PRLR: variants seen among roughly 807,000 people sequenced by gnomAD.
PRLR encodes prolactin receptor.
A neutral mutation model predicts 40.2 loss-of-function variants in PRLR; 13 were observed. The ratio of observed to expected loss-of-function variants is 0.32; its 90% confidence interval spans 0.21 to 0.51. The LOEUF is 0.51. PRLR is among the 20% of genes least tolerant of loss of function. The pLI is 0.97. For missense variants in PRLR, 656 were observed against 747.3 expected (o/e 0.88, Z 1.42); for synonymous variants, 269 against 278.7 (o/e 0.97, Z 0.35).
intron 1 of PRLR, chr5:35,130,227 T>A (rs924183410): frequency 7.0e-4 from 106 of 152,380 alleles, no homozygotes; most frequent in African/African-American, 2.5e-3. Flanking sequence ...ACTAACTTGC[T>A]TTTGATGGTG....
At chr5:35,213,099 T>C (rs2111647451) in intron 1 of PRLR, among the ~76,000 whole-genome samples, 1 of 152,316 alleles carries the variant, frequency 6.6e-6, no homozygotes, top group South Asian at 2.1e-4. Flanking sequence ...CCTATCACAT[T>C]GTACAATAAT....
At chr5:35,200,819 T>A (rs933773742) in intron 1 of PRLR, among the ~76,000 whole-genome samples, 3 of 152,130 alleles carry the variant, frequency 2.0e-5, no homozygotes, top group African/African-American at 7.2e-5. Context: ...TTTATAAATA[T>A]CCAACAGTTT....
chr5:35,180,887 C>T (rs1040920554), intron 1 of PRLR, among the ~76,000 whole-genome samples: 1 of 152,106 alleles, frequency 6.6e-6, no homozygotes, highest in African/African-American at 2.4e-5. Flanking sequence ...CTTCATCCAC[C>T]TCTTTTTTTA....
In PRLR at chr5:35,196,035, TAAATAAAATAAAATAAAATAAAATA is replaced by T. The variant is rs59078228; in HGVS notation, c.-106+34208_-106+34232del. Among the ~76,000 whole-genome samples the T allele has an allele frequency of 2.6e-3, 392 of 149,254 alleles. 4 individuals carry two copies. The highest frequency in any genetic ancestry group is 9.6e-3 in the East Asian group (45 of 4,696). ...ACTCTTATGAAATATCGGCTCTCCC[TAAATAAAATAAAATAAAATAAAATA>T]AAATAAAATAAAATAAAATAAAATA... is the stretch of plus-strand genomic sequence containing the variant. On this transcript the variant is annotated intron_variant, in intron 1 of 9. Coordinates refer to ENST00000618457, the MANE Select transcript of PRLR (RefSeq NM_000949.7).
intron 1 of PRLR, among the ~76,000 whole-genome samples, chr5:35,227,601 T>C (rs984097221): frequency 6.6e-6 from 1 of 152,244 alleles, no homozygotes; most frequent in Non-Finnish European, 1.5e-5. Flanking sequence ...CACCAAAGTA[T>C]ACTGATAGAT....
rs577497908 is a variant in PRLR, at chr5:35,118,050, G to A, written c.-44+11C>T. The A allele has an allele frequency of 1.0e-5, 10 of 984,008 alleles. No individual in the cohort carries two copies. In the South Asian group the frequency reaches 3.3e-4, roughly 32 times the overall value. 61.0% of individuals were successfully genotyped at this position (984,008 alleles called of 1,614,324 possible). A position where few individuals can be genotyped will look rare whatever the true frequency, so the allele number is the denominator to read the frequency against. On this transcript the variant is annotated intron_variant, in intron 2 of 9. Transcript: ENST00000618457. ...GTGTGACCGAGGGGCATGAGAACAA[G>A]TCCCCCTTACCTTCAGGGTTCATGT... is the stretch of plus-strand genomic sequence containing the variant.
chr5:35,196,978 G>A lies in PRLR; in HGVS notation c.-106+33290C>T, dbSNP rs115913859. On this transcript the variant is annotated intron_variant, in intron 1 of 9. Transcript: ENST00000618457. ...AGAGCTCTCTGGGACCCTTTTGTAA[G>A]CGCACTAATCTCATTCATGAAGCCT... 6.0e-3 allele frequency among the ~76,000 whole-genome samples: 911 copies of A among 152,192 alleles called. 8 individuals are homozygous for A. Among genetic ancestry groups the A allele is most frequent in the Middle Eastern group, 0.037 (11 of 294 alleles).
At chr5:35,209,142 GT>G (rs34573963) in intron 1 of PRLR, among the ~76,000 whole-genome samples, 5,587 of 147,600 alleles carry the variant, frequency 0.038, 134 homozygotes, top group Non-Finnish European at 0.051. Flanking sequence ...ATGTATCAGT[GT>G]TTTTTTTTTC....
chr5:35,216,313 T>C (rs2111658241), intron 1 of PRLR, among the ~76,000 whole-genome samples: 1 of 152,276 alleles, frequency 6.6e-6, no homozygotes, highest in Admixed American at 6.5e-5. Flanking sequence ...AATGGTTTAT[T>C]GAGTTCTTTG....
At chr5:35,225,197 T>C (rs1776519250) in intron 1 of PRLR, among the ~76,000 whole-genome samples, 1 of 152,208 alleles carries the variant, frequency 6.6e-6, no homozygotes, top group Non-Finnish European at 1.5e-5. Context: ...CCTTTCATTG[T>C]AGGACGTTTG....
intron 1 of PRLR, among the ~76,000 whole-genome samples, chr5:35,201,463 C>T (rs1040928242): frequency 3.3e-5 from 5 of 152,184 alleles, no homozygotes; most frequent in African/African-American, 1.2e-4. Context: ...AATATCAATG[C>T]ATCTAAAGAA....
At chr5:35,080,641 T>C (rs1318646483) in intron 5 of PRLR, among the ~76,000 whole-genome samples, 2 of 152,182 alleles carry the variant, frequency 1.3e-5, no homozygotes, top group Non-Finnish European at 2.9e-5. Flanking sequence ...TGGCGATTCC[T>C]CAAGGATCTA....
At chr5:35,113,450 TATCCATCCATCCATCC>T (rs375477215) in intron 2 of PRLR, among the ~76,000 whole-genome samples, 7 of 105,396 alleles carry the variant, frequency 6.6e-5, no homozygotes, top group East Asian at 6.7e-4. Flanking sequence ...CCCACCCACC[TATCCATCCATCCATCC>T]ATCCATCCAT....
At chr5:35,086,009 C>G (rs1436138129) in intron 4 of PRLR, among the ~76,000 whole-genome samples, 199 bp downstream of exon 4, 2 of 151,948 alleles carry the variant, frequency 1.3e-5, no homozygotes, top group Non-Finnish European at 2.9e-5. Context: ...TGGCTGGTAA[C>G]CTTATGTATA....
chr5:35,187,445 G>T (rs996796535), intron 1 of PRLR, among the ~76,000 whole-genome samples: 2 of 151,824 alleles, frequency 1.3e-5, no homozygotes, highest in African/African-American at 4.8e-5. Flanking sequence ...GAGTAAATGT[G>T]AGAATTCTAA....
intron 1 of PRLR, among the ~76,000 whole-genome samples, chr5:35,139,528 C>A (rs1485883452): frequency 1.3e-5 from 2 of 152,064 alleles, no homozygotes; most frequent in East Asian, 1.9e-4. Flanking sequence ...AAAGAAAAAA[C>A]CCCACATACT....
At chr5:35,078,430 A>G (rs1770261942) in intron 5 of PRLR, among the ~76,000 whole-genome samples, 1 of 152,234 alleles carries the variant, frequency 6.6e-6, no homozygotes, top group Non-Finnish European at 1.5e-5. Context: ...AAACACCTCT[A>G]TGCAAATAAA....
downstream of PRLR, chr5:35,055,575 C>T (rs1325704591): frequency 4.0e-5 from 6 of 151,812 alleles, no homozygotes; most frequent in East Asian, 1.2e-3. Context: ...AATGCAGTTC[C>T]CCCTCCTTCT....
rs1262155639 is a variant in PRLR at position 35,205,488 on chromosome 5, A to AT, written c.-106+24779dup. ...TTCTTTGCCTAAAAACTGTTCGGCTATCCTCTGCCAAATAGAACCATTTCA... is the reference window on the plus strand; with the variant it reads ...TTCTTTGCCTAAAAACTGTTCGGCTATTCCTCTGCCAAATAGAACCATTTCA... On this transcript the variant is annotated intron_variant, in intron 1 of 9. Transcript: ENST00000618457. 2.0e-5 allele frequency among the ~76,000 whole-genome samples: 3 copies of AT among 149,736 alleles called. No individual in the cohort carries two copies. In the South Asian group the frequency reaches 6.4e-4, roughly 32 times the overall value.
Sources: gnomAD v4.1 joint callset for allele counts (sites outside exome capture counted in the v4.1 genomes callset) on GRCh38, gnomAD v4.1.1 for gene constraint, MANE v1.5 for transcripts, NCBI Gene and HGNC (gene_info 2026-07-23, HGNC 2026-07-21) for gene names.